The following ETV3L variants were observed in gnomAD, a reference collection of about 807,000 sequenced individuals.
ETV3L encodes ETS translocation variant 3-like protein.
In ETV3L, 30 loss-of-function variants were observed where a neutral mutation model predicts 27.6. That is an observed-to-expected ratio of 1.09 (90% CI 0.81 to 1.48). The LOEUF is 1.48. Ranked by LOEUF, ETV3L falls within the 40% of genes most tolerant of loss-of-function variation. The pLI, the probability that ETV3L is intolerant of heterozygous loss-of-function variation, is 0.00. For synonymous variants in ETV3L, 186 were observed against 188.9 expected, an observed-to-expected ratio of 0.98 and a Z score of 0.12; for missense variants, 443 against 455.6, an observed-to-expected ratio of 0.97 and a Z score of 0.25.
At position 157,092,930 on chromosome 1, in the gene ETV3L, T is replaced by G; in HGVS notation, c.805A>C (p.Ile269Leu). Residue 269 changes from isoleucine (I) to leucine (L), a missense_variant, in exon 5 of 5, where the codon ATC (isoleucine) becomes CTC (leucine). Physicochemically the swap from Ile to Leu is conservative, Grantham distance 5 (BLOSUM62 2). Transcript: ENST00000454449. ...AGGCTCCTAGGTCCTGGGAGCAGGATGTCTGGCTTAAAAGCCCCTGGGAGC... is the reference window on the plus strand; with the variant it reads ...AGGCTCCTAGGTCCTGGGAGCAGGAGGTCTGGCTTAAAAGCCCCTGGGAGC... The part of the protein sequence containing the change: ...QQLPGAFKPD[I>L]LLPGPRSLPG... The G allele has an allele frequency of 9.3e-6, 15 of 1,614,026 alleles. No homozygotes were observed. The highest frequency in any genetic ancestry group is 1.7e-5 in the Admixed American group (1 of 60,022).
At chr1:157,098,382 C>T (rs1467814488) in intron 3 of ETV3L, among the ~76,000 whole-genome samples, 1 of 152,148 alleles carries the variant, frequency 6.6e-6, no homozygotes, top group Non-Finnish European at 1.5e-5. Context: ...AGGTGTGAGC[C>T]ACCACGCCTG....
chr1:157,099,099 T>G, intron 2 of ETV3L, 42 bp downstream of exon 2: 2 of 1,609,146 alleles, frequency 1.2e-6, no homozygotes, highest in Non-Finnish European at 1.7e-6. Flanking sequence ...CCCTTTTCCT[T>G]GAAATCCCCC....
At chr1:157,096,338 A>G (rs1218327967) in intron 4 of ETV3L, among the ~76,000 whole-genome samples, 2 of 152,162 alleles carry the variant, frequency 1.3e-5, no homozygotes, top group African/African-American at 4.8e-5. Flanking sequence ...TATAAGTCCC[A>G]TAAAGGCAGT....
chr1:157,094,934 A>AC (rs1674192345), intron 4 of ETV3L, among the ~76,000 whole-genome samples: 1 of 150,652 alleles, frequency 6.6e-6, no homozygotes, highest in Non-Finnish European at 1.5e-5. Flanking sequence ...AAAAAAAAAA[A>AC]CCTGGAAAAA....
intron 4 of ETV3L, among the ~76,000 whole-genome samples, chr1:157,096,407 C>T (rs1674221112): frequency 6.6e-6 from 1 of 152,172 alleles, no homozygotes; most frequent in Non-Finnish European, 1.5e-5. Flanking sequence ...AACAGGAGGT[C>T]ATTAAGCATC....
Position 157,092,581 on chromosome 1 carries a change from G to C in ETV3L, c.*68C>G. On this transcript the variant is annotated 3_prime_UTR_variant, in exon 5 of 5. Transcript: ENST00000454449. The stretch of plus-strand genomic sequence containing the variant: ...CCAGCCAGGGGAAGGGGCTAACCCA[G>C]AGGCGGTGGGCAAGAGGAGAGATGG... The C allele has an allele frequency of 7.3e-7, 1 of 1,371,368 alleles. No individual in the cohort carries two copies. The allele number at this position is 1,371,368 out of a possible 1,614,324, so 84.9% of individuals were successfully genotyped here. A position where few individuals can be genotyped will look rare whatever the true frequency, so the allele number is the denominator to read the frequency against.
intron 4 of ETV3L, 33 bp downstream of exon 4, chr1:157,097,835 T>C: frequency 6.2e-7 from 1 of 1,610,696 alleles, no homozygotes; most frequent in Non-Finnish European, 8.5e-7. Context: ...CTGGCTAAGA[T>C]CCCCCTGGGC....
At chr1:157,093,478 C>A (rs1440282149) in intron 4 of ETV3L, among the ~76,000 whole-genome samples, 1 of 151,464 alleles carries the variant, frequency 6.6e-6, no homozygotes, top group South Asian at 2.1e-4. Flanking sequence ...CTTTTCTTTT[C>A]TTTTTTCTTT....
chr1:157,096,492 C>A (rs181249655), intron 4 of ETV3L, among the ~76,000 whole-genome samples: 10 of 152,308 alleles, frequency 6.6e-5, no homozygotes, highest in African/African-American at 2.4e-4. Context: ...CCAGCTGAGC[C>A]TCCTTCTTCA....
intron 3 of ETV3L, among the ~76,000 whole-genome samples, chr1:157,098,479 A>C (rs1571682445): frequency 6.6e-6 from 1 of 151,978 alleles, no homozygotes; most frequent in East Asian, 1.9e-4. Context: ...TCCACCCCTA[A>C]AGGAGTGGCG....
chr1:157,092,592 C>T lies in ETV3L; in HGVS notation c.*57G>A. ...AAGGGGCTAACCCAGAGGCGGTGGG[C>T]AAGAGGAGAGATGGACTTTGGAGGA... is the stretch of plus-strand genomic sequence containing the variant. On this transcript the variant is annotated 3_prime_UTR_variant, in exon 5 of 5. Transcript: ENST00000454449. 9.7e-6 allele frequency: 14 copies of T among 1,440,270 alleles called. No homozygotes were observed. The highest frequency in any genetic ancestry group is 1.2e-5 in the Non-Finnish European group (13 of 1,055,114). The allele number at this position is 1,440,270 out of a possible 1,614,324, so 89.2% of individuals were successfully genotyped here. A position where few individuals can be genotyped will look rare whatever the true frequency, so the allele number is the denominator to read the frequency against.
chr1:157,093,368 C>CT (rs1277773965), intron 4 of ETV3L, among the ~76,000 whole-genome samples: 4 of 152,152 alleles, frequency 2.6e-5, no homozygotes, highest in African/African-American at 9.7e-5. Context: ...TGCTGAGTAG[C>CT]TGGGACTACA....
chr1:157,097,466 G>A (rs528343093), intron 4 of ETV3L, among the ~76,000 whole-genome samples: 31 of 53,154 alleles, frequency 5.8e-4, no homozygotes, highest in Middle Eastern at 0.012. Context: ...CTGAGACTCC[G>A]TCTCAAAAAA....
chr1:157,093,646 C>T (rs1238681072), intron 4 of ETV3L, among the ~76,000 whole-genome samples: 1 of 152,050 alleles, frequency 6.6e-6, no homozygotes, highest in South Asian at 2.1e-4. Context: ...TGCATGCCAC[C>T]ACATCCGGCT....
Position 157,098,791 on chromosome 1 carries a change from A to G in ETV3L, c.401T>C (p.Val134Ala). Residue 134 changes from valine to alanine, a missense_variant, in exon 3 of 5, where the codon GTG becomes GCG. Val to Ala is a moderately conservative substitution (Grantham distance 64). Transcript: ENST00000454449. ...LIVVNYPLWE[V>A]RAPPSPHLLL... ...CAAGTGGGGGGATGGCGGCGCCCGC[A>G]CTTCCCACAAAGGATAGTTGACTAC... 6.2e-7 allele frequency: 1 copy of G among 1,614,110 alleles called. No individual in the cohort carries two copies. Among genetic ancestry groups the G allele is most frequent in the Non-Finnish European group, 8.5e-7 (1 of 1,180,000 alleles).
chr1:157,099,473 C>A lies in ETV3L; in HGVS notation c.51G>T (p.Trp17Cys). ...CCCGGCCAAGAGGCTCACCTGAGAT[C>A]CAGTTGCCGGGGTTGGCTGGGATGC... ...AEGIPANPGN[W>C]ISGLAFPDWA... Residue 17 changes from tryptophan to cysteine, a missense_variant, in exon 1 of 5, where the codon TGG becomes TGT. Transcript: ENST00000454449. 6.2e-7 allele frequency: 1 copy of A among 1,613,836 alleles called. No homozygotes were observed. Among genetic ancestry groups the A allele is most frequent in the Non-Finnish European group, 8.5e-7 (1 of 1,179,900 alleles).
intron 4 of ETV3L, among the ~76,000 whole-genome samples, chr1:157,094,019 C>T (rs1472958682): frequency 6.6e-6 from 1 of 152,066 alleles, no homozygotes; most frequent in African/African-American, 2.4e-5. Context: ...TTTTATTTTC[C>T]CTCGAATCTA....
chr1:157,093,148 A>C, intron 4 of ETV3L, 21 bp from the exon 5 acceptor site: 1 of 1,422,182 alleles, frequency 7.0e-7, no homozygotes, highest in Non-Finnish European at 9.3e-7. Flanking sequence ...AAAGAGAGAA[A>C]GGGTCAAGGG....
intron 4 of ETV3L, among the ~76,000 whole-genome samples, chr1:157,096,904 A>T (rs1220079494): frequency 6.6e-6 from 1 of 152,088 alleles, no homozygotes; most frequent in African/African-American, 2.4e-5. Flanking sequence ...GGGCAGCAAG[A>T]GCAAAACGCC....
Sources: gnomAD v4.1 joint callset for allele counts (sites outside exome capture counted in the v4.1 genomes callset) on GRCh38, gnomAD v4.1.1 for gene constraint, MANE v1.5 for transcripts, NCBI Gene and HGNC (gene_info 2026-07-23, HGNC 2026-07-21) for gene names.